The following TMEM131L variants were observed in gnomAD, a reference collection of about 807,000 sequenced individuals.
TMEM131L encodes the protein transmembrane 131 like, also known as transmembrane protein 131-like.
TMEM131L carries 54 observed loss-of-function variants against 192.2 expected under a neutral mutation model. The observed-to-expected ratio is 0.28, with a 90% confidence interval of 0.23 to 0.35. The LOEUF (loss-of-function observed/expected upper bound fraction) is 0.35, where lower values mean the gene tolerates loss of function less well. Among genes scored for constraint, TMEM131L ranks in the 10% least tolerant of loss-of-function variants. The pLI is 1.00. For synonymous variants in TMEM131L, 701 were observed against 704.9 expected (o/e 0.99, Z 0.09); for missense variants, 1,888 against 1,972.9 (o/e 0.96, Z 0.82).
At chr4:153,480,256 A>G (rs992040866) in intron 3 of TMEM131L, among the ~76,000 whole-genome samples, 2 of 152,118 alleles carry the variant, frequency 1.3e-5, no homozygotes, top group African/African-American at 2.4e-5. Context: ...GGAGAATGGC[A>G]TGAACCCGGG....
intron 3 of TMEM131L, among the ~76,000 whole-genome samples, chr4:153,510,213 C>T (rs1275165990): frequency 6.6e-6 from 1 of 152,018 alleles, no homozygotes; most frequent in Non-Finnish European, 1.5e-5. Flanking sequence ...CAAGGTCTGT[C>T]CATGCTGGTG....
At position 153,610,541 on chromosome 4, in the gene TMEM131L, AGCCT is replaced by A. The variant is rs1480700199; in HGVS notation, c.3419-1708_3419-1705del. ...GTCCTGGTTGTACTTAAACCGTAAA[AGCCT>A]GCATTACTTTACAAGGTGTGTGCCA... is the stretch of plus-strand genomic sequence containing the variant. On this transcript the variant is annotated intron_variant, in intron 25 of 34. Coordinates refer to ENST00000409959, the MANE Select transcript of TMEM131L (RefSeq NM_001131007.2). Among the ~76,000 whole-genome samples, 9 of 152,328 alleles carry A rather than the reference AGCCT, an allele frequency of 5.9e-5. No individual in the cohort carries two copies. The East Asian group carries it at 1.5e-3, about 26-fold the overall frequency.
chr4:153,583,608 T>G lies in TMEM131L; in HGVS notation c.996T>G (p.Phe332Leu). ...AGAGAGATGCTCTGTCTCTGCAGTTTGAACCAGTACTACTACCTACTTCTA... is the reference window on the plus strand; with the variant it reads ...AGAGAGATGCTCTGTCTCTGCAGTTGGAACCAGTACTACTACCTACTTCTA... ...FSQRDALSLQFEPVLLPTSTT... is the reference protein window; with the variant it reads ...FSQRDALSLQLEPVLLPTSTT... Residue 332 changes from phenylalanine to leucine, a missense_variant, in exon 11 of 35, where the codon TTT (phenylalanine) becomes TTG (leucine). Transcript: ENST00000409959. 6.2e-7 allele frequency: 1 copy of G among 1,612,690 alleles called. No homozygotes were observed. The highest frequency in any genetic ancestry group is 8.5e-7 in the Non-Finnish European group (1 of 1,179,534).
chr4:153,520,101 C>T (rs191825475), intron 3 of TMEM131L, among the ~76,000 whole-genome samples: 61 of 152,158 alleles, frequency 4.0e-4, no homozygotes, highest in Admixed American at 2.5e-3. Flanking sequence ...TGAACAAACA[C>T]GGTCCATCTT....
intron 4 of TMEM131L, among the ~76,000 whole-genome samples, chr4:153,554,651 A>T (rs1737866037): frequency 6.6e-6 from 1 of 152,248 alleles, no homozygotes; most frequent in African/African-American, 2.4e-5. Flanking sequence ...CATTCAGCTT[A>T]AATTAGAATA....
chr4:153,504,814 T>G (rs936054373), intron 3 of TMEM131L, among the ~76,000 whole-genome samples: 1 of 152,244 alleles, frequency 6.6e-6, no homozygotes, highest in South Asian at 2.1e-4. Context: ...GACATTTTGC[T>G]TCTTCATCTC....
intron 3 of TMEM131L, among the ~76,000 whole-genome samples, chr4:153,476,236 G>A (rs1731528644): frequency 6.6e-6 from 1 of 152,120 alleles, no homozygotes; most frequent in Non-Finnish European, 1.5e-5. Flanking sequence ...TGGTATTACA[G>A]GCATGAGCCA....
At position 153,583,262 on chromosome 4, in the gene TMEM131L, C is replaced by T. The variant is rs1464061134; in HGVS notation, c.951+14C>T. On this transcript the variant is annotated intron_variant, in intron 10 of 34. Transcript: ENST00000409959. ...ATATGGATACAGGTAATTGTAAATG[C>T]TTACCTAAAGTAACTTTTAAAATTG... The T allele has an allele frequency of 1.6e-6, 2 of 1,289,656 alleles. No individual in the cohort carries two copies. Among genetic ancestry groups the T allele is most frequent in the Admixed American group, 1.7e-5 (1 of 57,832 alleles). The allele number at this position is 1,289,656 out of a possible 1,614,324, so 79.9% of individuals were successfully genotyped here. A position where few individuals can be genotyped will look rare whatever the true frequency, so the allele number is the denominator to read the frequency against.
intron 3 of TMEM131L, among the ~76,000 whole-genome samples, chr4:153,527,054 A>C (rs1235803449): frequency 6.6e-6 from 1 of 152,074 alleles, no homozygotes; most frequent in African/African-American, 2.4e-5. Context: ...TCCATGAAAG[A>C]CTGAAGATCC....
At chr4:153,468,279 A>T (rs1242566278) in intron 2 of TMEM131L, among the ~76,000 whole-genome samples, 1 of 152,194 alleles carries the variant, frequency 6.6e-6, no homozygotes, top group Non-Finnish European at 1.5e-5. Flanking sequence ...AGGGCTAATG[A>T]ATAACAGCTT....
At chr4:153,525,630 G>A (rs1195050779) in intron 3 of TMEM131L, among the ~76,000 whole-genome samples, 2 of 151,764 alleles carry the variant, frequency 1.3e-5, no homozygotes, top group African/African-American at 4.8e-5. Flanking sequence ...GTGAGCCACC[G>A]TGCCCAGCCC....
At position 153,621,745 on chromosome 4, in the gene TMEM131L, GTGACATCAA is replaced by G; in HGVS notation, c.3758_3766del (p.Asp1253_Asn1255del). 1 of 1,614,182 alleles carries G rather than the reference GTGACATCAA, an allele frequency of 6.2e-7. No homozygotes were observed. Reference sequence around the variant, plus strand: ...GACTTTGAGAGGTCTGAGCTGAGCAGTGACATCAATGTAAGAAGCTGGTGTATACAGGAA... The same window carrying G: ...GACTTTGAGAGGTCTGAGCTGAGCAGTGTAAGAAGCTGGTGTATACAGGAA... On this transcript the variant is annotated inframe_deletion, in exon 28 of 35. Transcript: ENST00000409959.
At chr4:153,568,585 C>T (rs1033184476) in intron 7 of TMEM131L, among the ~76,000 whole-genome samples, 5 of 148,438 alleles carry the variant, frequency 3.4e-5, no homozygotes, top group African/African-American at 1.3e-4. Flanking sequence ...ATGCCCTAAT[C>T]TTTGTTTTCC....
chr4:153,556,225 C>T (rs905728641), intron 5 of TMEM131L, among the ~76,000 whole-genome samples: 2 of 152,044 alleles, frequency 1.3e-5, no homozygotes, highest in Non-Finnish European at 2.9e-5. Flanking sequence ...TATTACTTGT[C>T]TTGAAATGAC....
chr4:153,488,006 A>AGAGT (rs61225490), intron 3 of TMEM131L, among the ~76,000 whole-genome samples: 1 of 136,768 alleles, frequency 7.3e-6, no homozygotes, highest in African/African-American at 2.8e-5. Context: ...TGTATGAGAG[A>AGAGT]CAAGAGAGAC....
intron 3 of TMEM131L, among the ~76,000 whole-genome samples, chr4:153,520,106 C>T (rs1165592342): frequency 6.6e-6 from 1 of 152,060 alleles, no homozygotes; most frequent in Non-Finnish European, 1.5e-5. Context: ...AAACACGGTC[C>T]ATCTTTCTTG....
intron 31 of TMEM131L, among the ~76,000 whole-genome samples, chr4:153,632,064 A>G (rs560944629): frequency 1.3e-5 from 2 of 152,302 alleles, no homozygotes; most frequent in African/African-American, 4.8e-5. Flanking sequence ...CTGTAATCCC[A>G]ACACTTTGGG....
chr4:153,575,699 G>A (rs1191800532), intron 7 of TMEM131L, among the ~76,000 whole-genome samples: 1 of 152,084 alleles, frequency 6.6e-6, no homozygotes, highest in Non-Finnish European at 1.5e-5. Context: ...TGTTTATAGA[G>A]TTACTTTTTC....
intron 3 of TMEM131L, among the ~76,000 whole-genome samples, chr4:153,480,770 A>G (rs1409112564): frequency 6.6e-6 from 1 of 152,162 alleles, no homozygotes. Context: ...TATAGAAGGA[A>G]GTTGAACATG....
Sources: allele counts gnomAD v4.1 joint callset (sites outside exome capture counted in the v4.1 genomes callset), GRCh38; gene constraint gnomAD v4.1.1; transcripts MANE v1.5; gene names NCBI Gene and HGNC (gene_info 2026-07-23, HGNC 2026-07-21).